ZNF644: variants seen among roughly 807,000 people sequenced by gnomAD.
The protein encoded by ZNF644 is zinc finger protein 644, also known as zinc finger motif enhancer binding protein 2.
A neutral mutation model predicts 108.0 loss-of-function variants in ZNF644; 20 were observed. The observed-to-expected ratio is 0.19, with a 90% CI of 0.13 to 0.27. The LOEUF is 0.27. ZNF644 is among the 10% of genes least tolerant of loss of function. The probability of loss-of-function intolerance (pLI) is 1.00; values close to 1 mark genes in which losing one functional copy is unlikely to be tolerated. For synonymous variants in ZNF644, 542 were observed against 539.1 expected, an observed-to-expected ratio of 1.01 and a Z score of -0.08; for missense variants, 1,338 against 1,548.9, an observed-to-expected ratio of 0.86 and a Z score of 2.29.
chr1:90,971,305 C>CA (rs1293699733), intron 2 of ZNF644, among the ~76,000 whole-genome samples: 3,353 of 120,636 alleles, frequency 0.028, 72 homozygotes, highest in African/African-American at 0.066. Context: ...ACAATTGATG[C>CA]AAAAAAAAAA....
Position 90,938,252 on chromosome 1 carries a change from C to T in ZNF644, c.3082+20G>A. 6.2e-7 allele frequency: 1 copy of T among 1,613,950 alleles called. No homozygotes were observed. Among genetic ancestry groups the T allele is most frequent in the South Asian group, 1.1e-5 (1 of 91,064 alleles). On this transcript the variant is annotated intron_variant, in intron 3 of 5. Transcript: ENST00000337393. This position sits in a 1 kb window ranked among gnomAD's most constrained non-coding sequence, Gnocchi z 4.2. ...AGAACACAGACCTATCAGCCCAAAT[C>T]ATCCCCATGGAGAACTTACCTTTTC...
At chr1:90,971,436 G>C (rs1655466688) in intron 2 of ZNF644, among the ~76,000 whole-genome samples, 1 of 150,870 alleles carries the variant, frequency 6.6e-6, no homozygotes, top group Non-Finnish European at 1.5e-5. Flanking sequence ...TTTTTTTGGT[G>C]GGGGGACAGA....
At chr1:91,013,451 TCACA>T (rs10590932) in intron 1 of ZNF644, among the ~76,000 whole-genome samples, 1,782 of 140,078 alleles carry the variant, frequency 0.013, 25 homozygotes, top group African/African-American at 0.028. Context: ...AATCTCTCTC[TCACA>T]CACACACACA....
intron 4 of ZNF644, among the ~76,000 whole-genome samples, chr1:90,930,537 C>T (rs374858672): frequency 1.4e-4 from 21 of 152,108 alleles, no homozygotes; most frequent in South Asian, 2.1e-4. Flanking sequence ...TCAGTACCAA[C>T]CCCTAAGAGA....
intron 1 of ZNF644, among the ~76,000 whole-genome samples, chr1:91,019,364 A>G (rs1660692938): frequency 6.6e-6 from 1 of 152,210 alleles, no homozygotes; most frequent in African/African-American, 2.4e-5. Context: ...CAATAACAGC[A>G]GTTATTTCAA....
At chr1:90,935,956 C>G (rs550598171) in intron 4 of ZNF644, among the ~76,000 whole-genome samples, 2 of 152,204 alleles carry the variant, frequency 1.3e-5, no homozygotes, top group South Asian at 4.1e-4. Flanking sequence ...AAGTGTTTTA[C>G]CCACAAAACC....
At chr1:90,933,608 G>C (rs1241975703) in intron 4 of ZNF644, among the ~76,000 whole-genome samples, 1 of 152,108 alleles carries the variant, frequency 6.6e-6, no homozygotes, top group African/African-American at 2.4e-5. Flanking sequence ...AGGTTGCAGT[G>C]AGCCGAGATC....
intron 2 of ZNF644, among the ~76,000 whole-genome samples, chr1:90,978,128 G>C (rs1046568537): frequency 9.2e-5 from 14 of 152,214 alleles, no homozygotes; most frequent in Admixed American, 5.2e-4. Context: ...GAGGCCGGTG[G>C]ATCGCCTGAG....
At chr1:90,947,806 A>C (rs1652679525) in intron 2 of ZNF644, among the ~76,000 whole-genome samples, 1 of 152,320 alleles carries the variant, frequency 6.6e-6, no homozygotes, top group South Asian at 2.1e-4. Context: ...ACTATTGAAC[A>C]TTGTAGCTTA....
At chr1:91,020,519 T>TA (rs1660811043) in intron 1 of ZNF644, 1 of 152,252 alleles carries the variant, frequency 6.6e-6, no homozygotes. Context: ...AATCAAGCTT[T>TA]ATGCTTCACC....
chr1:90,916,101 T>C lies in ZNF644; in HGVS notation c.*697A>G, dbSNP rs1386206941. On this transcript the variant is annotated 3_prime_UTR_variant, in exon 6 of 6. Transcript: ENST00000337393. Reference sequence around the variant, plus strand: ...AGGTAGCATGGATGCACCACTTTATTGTCTGAGAAATGCAACTGGAGTAAA... The same window carrying C: ...AGGTAGCATGGATGCACCACTTTATCGTCTGAGAAATGCAACTGGAGTAAA... 6.6e-6 allele frequency: 1 copy of C among 152,622 alleles called. No individual in the cohort carries two copies. Among genetic ancestry groups the C allele is most frequent in the Non-Finnish European group, 1.5e-5 (1 of 68,004 alleles). The allele number at this position is 152,622 out of a possible 1,614,324, so 9.5% of individuals were successfully genotyped here. A position where few individuals can be genotyped will look rare whatever the true frequency, so the allele number is the denominator to read the frequency against.
chr1:90,988,764 G>A (rs898705403), intron 1 of ZNF644, among the ~76,000 whole-genome samples: 1 of 152,140 alleles, frequency 6.6e-6, no homozygotes, highest in Non-Finnish European at 1.5e-5. Context: ...GTTTGACAAG[G>A]GGGCCAATAC....
At chr1:90,966,163 G>C (rs971988557) in intron 2 of ZNF644, among the ~76,000 whole-genome samples, 9 of 152,064 alleles carry the variant, frequency 5.9e-5, no homozygotes, top group African/African-American at 2.2e-4. Context: ...TATACTTACG[G>C]ATCATTTCTT....
At chr1:90,971,765 G>A (rs533371203) in intron 2 of ZNF644, among the ~76,000 whole-genome samples, 11 of 152,218 alleles carry the variant, frequency 7.2e-5, no homozygotes, top group African/African-American at 2.6e-4. Context: ...CCTAGCCAGA[G>A]CACTTAGGGG....
At chr1:90,950,064 G>A (rs556549176) in intron 2 of ZNF644, among the ~76,000 whole-genome samples, 1 of 151,568 alleles carries the variant, frequency 6.6e-6, no homozygotes, top group South Asian at 2.1e-4. Context: ...GATTGCCTGA[G>A]CTCAGGAGTT....
At chr1:90,946,756 C>T (rs774041185) in intron 2 of ZNF644, among the ~76,000 whole-genome samples, 5 of 150,674 alleles carry the variant, frequency 3.3e-5, no homozygotes, top group African/African-American at 4.9e-5. Context: ...AAACACAAAA[C>T]AAAACAAAAA....
At chr1:90,982,405 T>A (rs1299757687) in intron 1 of ZNF644, 35 bp from the exon 2 acceptor site, 5 of 1,552,594 alleles carry the variant, frequency 3.2e-6, no homozygotes, top group Non-Finnish European at 4.4e-6. Context: ...AAGGTTTAAT[T>A]TTTTGTTTCA....
chr1:90,937,361 A>C (rs1376464973), intron 4 of ZNF644, 124 bp downstream of exon 4: 2 of 575,544 alleles, frequency 3.5e-6, no homozygotes, highest in South Asian at 6.1e-5. Context: ...TGTGCTCTGT[A>C]AAAAAAAAAA....
intron 2 of ZNF644, among the ~76,000 whole-genome samples, chr1:90,965,427 C>A (rs1052095860): frequency 6.6e-6 from 1 of 152,094 alleles, no homozygotes; most frequent in Non-Finnish European, 1.5e-5. Context: ...ACCCTAATGA[C>A]CTCATTCAAC....
Sources: allele counts gnomAD v4.1 joint callset (sites outside exome capture counted in the v4.1 genomes callset), GRCh38; gene constraint gnomAD v4.1.1; non-coding constraint Gnocchi (gnomAD v3.1); transcripts MANE v1.5; gene names NCBI Gene and HGNC (gene_info 2026-07-23, HGNC 2026-07-21).